Variants in CUZD1 observed in about 807,000 individuals in gnomAD.
The protein encoded by CUZD1 is CUB and zona pellucida-like domain-containing protein 1.
In CUZD1, 42 loss-of-function variants were observed where a neutral mutation model predicts 53.1. The ratio of observed to expected loss-of-function variants is 0.79; its 90% CI spans 0.62 to 1.02. The LOEUF (loss-of-function observed/expected upper bound fraction) is 1.02. CUZD1 is among the 50% of genes least tolerant of loss of function. CUZD1 has a pLI of 0.00. For missense variants in CUZD1, 670 were observed against 715.7 expected (o/e 0.94, Z 0.73); for synonymous variants, 238 against 257.2 (o/e 0.93, Z 0.71).
At chr10:122,837,308 T>C (rs1847269030) in intron 4 of CUZD1, 96 bp downstream of exon 4, 4 of 1,302,102 alleles carry the variant, frequency 3.1e-6, no homozygotes, top group Admixed American at 1.9e-5. Context: ...TGCCCATATA[T>C]GAGAATTACG....
intron 6 of CUZD1, 114 bp downstream of exon 6, chr10:122,836,064 G>T: frequency 1.1e-6 from 1 of 893,726 alleles, no homozygotes; most frequent in Non-Finnish European, 1.7e-6. Flanking sequence ...ATGTGGTTAA[G>T]CCACTAAAAT....
chr10:122,840,220 T>C (rs1847318528), intron 2 of CUZD1, among the ~76,000 whole-genome samples: 1 of 152,208 alleles, frequency 6.6e-6, no homozygotes, highest in Non-Finnish European at 1.5e-5. Flanking sequence ...GGGCTATGGT[T>C]CTCAAAAGTG....
chr10:122,843,104 C>T (rs915849816), intron 1 of CUZD1, among the ~76,000 whole-genome samples: 6 of 152,160 alleles, frequency 3.9e-5, no homozygotes, highest in African/African-American at 1.4e-4. Flanking sequence ...AATTCTATTG[C>T]TAGGCATATC....
intron 3 of CUZD1, 72 bp from the exon 4 acceptor site, chr10:122,837,626 T>C (rs1847274410): frequency 7.1e-7 from 1 of 1,401,586 alleles, no homozygotes; most frequent in Non-Finnish European, 9.7e-7. Flanking sequence ...GTGTTGTGCA[T>C]TGAGCTTAAC....
intron 3 of CUZD1, 135 bp from the exon 4 acceptor site, chr10:122,837,689 G>A: frequency 1.2e-6 from 1 of 846,200 alleles, no homozygotes; most frequent in South Asian, 2.4e-5. Flanking sequence ...GTCACATATT[G>A]AGGTTTTCAT....
chr10:122,845,235 C>A lies in CUZD1; in HGVS notation c.82+527G>T, dbSNP rs190735351. 1.6e-4 allele frequency among the ~76,000 whole-genome samples: 24 copies of A among 152,222 alleles called. No homozygotes were observed. In the East Asian group the frequency reaches 4.4e-3, roughly 28 times the overall value. On this transcript the variant is annotated intron_variant, in intron 1 of 8. Transcript: ENST00000392790. ...GGGACTACAGGCACGCATCACCACA[C>A]CTGGCTAATTTTTGTATTTTTAGTA...
intron 7 of CUZD1, 28 bp downstream of exon 7, chr10:122,834,678 T>C (rs1402247931): frequency 1.3e-6 from 2 of 1,521,446 alleles, no homozygotes; most frequent in Non-Finnish European, 1.8e-6. Flanking sequence ...AGGAATATCA[T>C]ACATACATCA....
chr10:122,842,106 A>G (rs192817399), intron 1 of CUZD1, among the ~76,000 whole-genome samples: 208 of 152,340 alleles, frequency 1.4e-3, no homozygotes, highest in South Asian at 2.1e-3. Context: ...TTCCCAAAAC[A>G]AAAGTTTTAA....
chr10:122,833,775 A>G lies in CUZD1; in HGVS notation c.1548T>C (p.Cys516=). Residue 516 remains cysteine, a synonymous_variant, in exon 8 of 9, where the codon TGT becomes TGC. Coordinates refer to ENST00000392790, the MANE Select transcript of CUZD1 (RefSeq NM_022034.6). ...SDHQSRCNQG[C]VSRSKRDISS... ...AAATGTCTCGTTTGCTTCTGGAGAC[A>G]CAACCTTGATTGCAGCGAGACTGGT... The G allele has an allele frequency of 6.2e-7, 1 of 1,614,066 alleles. No homozygotes were observed. The highest frequency in any genetic ancestry group is 8.5e-7 in the Non-Finnish European group (1 of 1,179,984).
At chr10:122,841,142 G>A (rs759422721) in intron 2 of CUZD1, 36 bp downstream of exon 2, 117 of 1,583,612 alleles carry the variant, frequency 7.4e-5, no homozygotes, top group Non-Finnish European at 9.4e-5. Flanking sequence ...GTCAGAGTTC[G>A]ATATCCCTTA....
intron 3 of CUZD1, among the ~76,000 whole-genome samples, chr10:122,838,619 A>G (rs773725743): frequency 6.6e-6 from 1 of 152,156 alleles, no homozygotes; most frequent in Non-Finnish European, 1.5e-5. Context: ...AGGGAGGTGC[A>G]GTCCCTGAAG....
intron 6 of CUZD1, among the ~76,000 whole-genome samples, chr10:122,835,767 T>G (rs966395784): frequency 2.0e-5 from 3 of 152,196 alleles, no homozygotes; most frequent in Non-Finnish European, 2.9e-5. Flanking sequence ...TTTAAATGGG[T>G]TTTTTTAAAT....
At chr10:122,844,593 C>T (rs1023792398) in intron 1 of CUZD1, among the ~76,000 whole-genome samples, 3 of 152,022 alleles carry the variant, frequency 2.0e-5, no homozygotes, top group East Asian at 1.9e-4. Context: ...AGGGGCTGGG[C>T]GTGGTGACTC....
At chr10:122,837,815 A>C in intron 3 of CUZD1, 2 of 329,934 alleles carry the variant, frequency 6.1e-6, no homozygotes, top group Admixed American at 4.5e-5. Context: ...ATCTGGAGAG[A>C]CTCCCATTAC....
chr10:122,841,215 CT>C lies in CUZD1; in HGVS notation c.195del (p.Glu66LysfsTer38). ...AAGATAATTCTGATGCTTTTGTTTT[CT>C]GGTCTTTCTATTGTCCAGGTGCAGT... is the stretch of plus-strand genomic sequence containing the variant. Reference protein sequence around the residue: ...SENCTWTIERPENKSIRIIFS... With the variant: ...SENCTWTIERXENKSIRIIFS... On this transcript the variant is annotated frameshift_variant, in exon 2 of 9. Transcript: ENST00000392790. LOFTEE classifies it high-confidence loss of function. 3 of 1,613,808 alleles carry C rather than the reference CT, an allele frequency of 1.9e-6. No homozygotes were observed. The highest frequency in any genetic ancestry group is 2.5e-6 in the Non-Finnish European group (3 of 1,179,856).
intron 6 of CUZD1, among the ~76,000 whole-genome samples, chr10:122,835,331 C>T (rs1847232454): frequency 6.6e-6 from 1 of 152,122 alleles, no homozygotes; most frequent in Admixed American, 6.5e-5. Flanking sequence ...TAGAATCAGA[C>T]AATTTTTTTC....
At position 122,841,231 on chromosome 10, in the gene CUZD1, C is replaced by T; in HGVS notation, c.180G>A (p.Trp60Ter). 2 of 1,613,962 alleles carry T rather than the reference C, an allele frequency of 1.2e-6. No individual in the cohort carries two copies. The highest frequency in any genetic ancestry group is 1.7e-6 in the Non-Finnish European group (2 of 1,179,910). The change falls in exon 2 of 9, where the codon TGG (tryptophan) becomes TGA (stop). Residue 60 changes from tryptophan to a stop codon, truncating the protein, a stop_gained. Transcript: ENST00000392790. LOFTEE classifies it high-confidence loss of function. The part of the protein sequence containing the change: ...LQLNPSENCT[W>*]TIERPENKSI... ...TTTTGTTTTCTGGTCTTTCTATTGT[C>T]CAGGTGCAGTTCTCACTGGGATTGA...
chr10:122,832,440 A>G lies in CUZD1; in HGVS notation c.1662T>C (p.His554=). Residue 554 remains histidine, a synonymous_variant, in exon 9 of 9, where the codon CAT becomes CAC. Coordinates refer to ENST00000392790, the MANE Select transcript of CUZD1 (RefSeq NM_022034.6). The part of the protein sequence containing the change: ...RSASGNSGFQ[H]ETHAEETPNQ... ...TTGGAGTTTCTTCCGCATGTGTTTC[A>G]TGCTGAAATCCTAAAATTGGAAACA... 4 of 1,613,134 alleles carry G rather than the reference A, an allele frequency of 2.5e-6. No homozygotes were observed. Among genetic ancestry groups the G allele is most frequent in the Non-Finnish European group, 3.4e-6 (4 of 1,179,594 alleles).
In CUZD1 at chr10:122,834,946, T is replaced by A. The variant is rs777925286; in HGVS notation, c.1142A>T (p.Asp381Val). Residue 381 changes from aspartate (D) to valine (V), a missense_variant, in exon 7 of 9, where the codon GAT (aspartate) becomes GTT (valine). Asp to Val is a radical substitution (Grantham distance 152). Coordinates refer to ENST00000392790, the MANE Select transcript of CUZD1 (RefSeq NM_022034.6). ...STVEIIYITE[D>V]DVIQSQNALG... ...TGCATTTTGACTTTGTATTACATCA[T>A]CTTCTGTTATGTATATTATCTCCAC... The A allele has an allele frequency of 1.2e-6, 2 of 1,613,792 alleles. No individual in the cohort carries two copies. Among genetic ancestry groups the A allele is most frequent in the South Asian group, 2.2e-5 (2 of 91,048 alleles).
Sources: allele counts gnomAD v4.1 joint callset (sites outside exome capture counted in the v4.1 genomes callset), GRCh38; gene constraint gnomAD v4.1.1; transcripts MANE v1.5; gene names NCBI Gene and HGNC (gene_info 2026-07-23, HGNC 2026-07-21).